Variants in BCL2L14 observed in about 807,000 individuals in gnomAD.
The protein encoded by BCL2L14 is apoptosis facilitator Bcl-2-like protein 14.
BCL2L14 carries 27 observed loss-of-function variants against 35.3 expected under a neutral mutation model. That is an observed-to-expected ratio of 0.76 (90% CI 0.56 to 1.05). BCL2L14 has a LOEUF of 1.05. Among genes scored for constraint, BCL2L14 ranks in the 50% least tolerant of loss-of-function variants. The pLI, the probability that BCL2L14 is intolerant of heterozygous loss-of-function variation, is 0.00. For synonymous variants in BCL2L14, 139 were observed against 145.9 expected (o/e 0.95, Z 0.34); for missense variants, 377 against 382.6 (o/e 0.99, Z 0.12).
intron 1 of BCL2L14, chr12:12,051,714 T>C (rs190999693): frequency 6.6e-6 from 1 of 152,318 alleles, no homozygotes; most frequent in East Asian, 1.9e-4. Flanking sequence ...CAATGAGCAC[T>C]TCATGATAGT....
intron 2 of BCL2L14, among the ~76,000 whole-genome samples, chr12:12,064,332 G>A (rs1948568758): frequency 6.6e-6 from 1 of 151,590 alleles, no homozygotes; most frequent in African/African-American, 2.4e-5. Flanking sequence ...GTAGAGATGG[G>A]GCCTCACTAT....
chr12:12,087,055 T>C (rs964998786), intron 2 of BCL2L14, among the ~76,000 whole-genome samples, 158 bp from the exon 3 acceptor site: 1 of 152,156 alleles, frequency 6.6e-6, no homozygotes, highest in African/African-American at 2.4e-5. Context: ...CAGGCAACTT[T>C]CAGTCCTTTC....
At chr12:12,068,704 G>A (rs534065716), upstream of BCL2L14, among the ~76,000 whole-genome samples, 8 of 152,076 alleles carry the variant, frequency 5.3e-5, no homozygotes, top group South Asian at 8.3e-4. Flanking sequence ...CTATCACAGC[G>A]TGAATCCCAA....
intron 3 of BCL2L14, among the ~76,000 whole-genome samples, chr12:12,088,972 C>A (rs778943142): frequency 2.0e-5 from 3 of 152,228 alleles, no homozygotes; most frequent in Non-Finnish European, 4.4e-5. Context: ...GCTAAGATGA[C>A]CTCATCCTCT....
At chr12:12,055,175 G>A (rs1442547980) in intron 2 of BCL2L14, 2 of 152,162 alleles carry the variant, frequency 1.3e-5, no homozygotes, top group African/African-American at 4.8e-5. Context: ...AATCCAGAAA[G>A]GTCAAGGCCC....
intron 2 of BCL2L14, among the ~76,000 whole-genome samples, chr12:12,062,236 C>G (rs1157070697): frequency 6.6e-6 from 1 of 150,462 alleles, no homozygotes; most frequent in East Asian, 1.9e-4. Flanking sequence ...GGACTTCAAT[C>G]TGGCCTCCCA....
At chr12:12,072,127 C>T (rs1393398846) in intron 1 of BCL2L14, 5 of 152,282 alleles carry the variant, frequency 3.3e-5, no homozygotes, top group African/African-American at 7.2e-5. Flanking sequence ...CACAGCGAAC[C>T]AGGTGTCCAG....
intron 2 of BCL2L14, among the ~76,000 whole-genome samples, chr12:12,084,316 G>C (rs1948992701): frequency 6.6e-6 from 1 of 152,120 alleles, no homozygotes; most frequent in African/African-American, 2.4e-5. Flanking sequence ...CATCTCATTG[G>C]CCCTTCCCTA....
At chr12:12,080,522 G>C (rs1055998402) in intron 2 of BCL2L14, among the ~76,000 whole-genome samples, 2 of 151,022 alleles carry the variant, frequency 1.3e-5, no homozygotes, top group Non-Finnish European at 3.0e-5. Context: ...CGGGAGGCTG[G>C]GGCAAGAGAA....
At chr12:12,063,737 C>G (rs1486822091) in intron 2 of BCL2L14, among the ~76,000 whole-genome samples, 1 of 152,168 alleles carries the variant, frequency 6.6e-6, no homozygotes, top group African/African-American at 2.4e-5. Flanking sequence ...TGCACGTACA[C>G]ATCCAGATGG....
At chr12:12,087,427 G>A (rs745619327) in intron 3 of BCL2L14, 41 bp downstream of exon 3, 1 of 1,599,674 alleles carries the variant, frequency 6.3e-7, no homozygotes. Flanking sequence ...GCCAGGCAGG[G>A]GCGCAGGAGC....
At chr12:12,090,409 C>G (rs1949156482) in intron 3 of BCL2L14, among the ~76,000 whole-genome samples, 1 of 152,120 alleles carries the variant, frequency 6.6e-6, no homozygotes, top group Admixed American at 6.5e-5. Context: ...GTGGGTGGAC[C>G]ACCTGAGGTC....
chr12:12,074,268 T>G (rs1050209047), intron 1 of BCL2L14, among the ~76,000 whole-genome samples: 4 of 152,116 alleles, frequency 2.6e-5, no homozygotes, highest in Admixed American at 2.6e-4. Flanking sequence ...GCACCTACCA[T>G]GTATCAAGCA....
chr12:12,083,045 A>G (rs1591825767), intron 2 of BCL2L14, among the ~76,000 whole-genome samples: 4 of 152,050 alleles, frequency 2.6e-5, no homozygotes. Flanking sequence ...GCTCACTGCA[A>G]CCTCTGCCTC....
chr12:12,093,398 C>T (rs752580655), intron 4 of BCL2L14, among the ~76,000 whole-genome samples: 22 of 152,048 alleles, frequency 1.4e-4, no homozygotes, highest in Non-Finnish European at 2.8e-4. Context: ...CTGGGGAGGC[C>T]GAGGTGGGAG....
At chr12:12,086,383 A>G (rs566473320) in intron 2 of BCL2L14, among the ~76,000 whole-genome samples, 1 of 152,232 alleles carries the variant, frequency 6.6e-6, no homozygotes, top group South Asian at 2.1e-4. Flanking sequence ...AAATTTTACC[A>G]CCCAGCAACT....
intron 2 of BCL2L14, among the ~76,000 whole-genome samples, chr12:12,062,124 C>T (rs1181100784): frequency 6.6e-6 from 1 of 151,906 alleles, no homozygotes; most frequent in African/African-American, 2.4e-5. Context: ...CTTCCAAAAT[C>T]TATTTTCTTC....
intron 5 of BCL2L14, among the ~76,000 whole-genome samples, chr12:12,096,763 C>T (rs533919679): frequency 6.6e-6 from 1 of 152,170 alleles, no homozygotes; most frequent in Non-Finnish European, 1.5e-5. Flanking sequence ...GAAATTGGAA[C>T]CTTTTATGTT....
intron 2 of BCL2L14, among the ~76,000 whole-genome samples, chr12:12,058,758 G>C (rs963704942): frequency 1.1e-4 from 17 of 152,110 alleles, no homozygotes; most frequent in Non-Finnish European, 2.2e-4. Flanking sequence ...CCTGTTTGGT[G>C]GTCTCTTCAC....
Sources: allele counts gnomAD v4.1 joint callset (sites outside exome capture counted in the v4.1 genomes callset), GRCh38; gene constraint gnomAD v4.1.1; transcripts MANE v1.5; gene names NCBI Gene and HGNC (gene_info 2026-07-23, HGNC 2026-07-21).